ANKRD12: variants seen among roughly 807,000 people sequenced by gnomAD.
ANKRD12 encodes ankyrin repeat domain-containing protein 12.
A neutral mutation model predicts 183.4 loss-of-function variants in ANKRD12; 85 were observed. The ratio of observed to expected loss-of-function variants is 0.46; its 90% confidence interval spans 0.39 to 0.56. The LOEUF is 0.56. Among genes scored for constraint, ANKRD12 ranks in the 20% least tolerant of loss-of-function variants. The pLI is 0.00. For synonymous variants in ANKRD12, 914 were observed against 800.2 expected, an observed-to-expected ratio of 1.14 and a Z score of -2.40; for missense variants, 2,405 against 2,357.1, an observed-to-expected ratio of 1.02 and a Z score of -0.42.
intron 8 of ANKRD12, among the ~76,000 whole-genome samples, chr18:9,224,879 A>G (rs191838755): frequency 1.4e-4 from 22 of 152,326 alleles, no homozygotes; most frequent in Non-Finnish European, 1.8e-4. Context: ...AGTATCTTCT[A>G]TATACGGTAT....
At chr18:9,266,641 G>A (rs1293199077) in intron 10 of ANKRD12, among the ~76,000 whole-genome samples, 18 of 152,152 alleles carry the variant, frequency 1.2e-4, no homozygotes, top group East Asian at 7.7e-4. Flanking sequence ...AGGAACAACC[G>A]GTACCAGCCA....
chr18:9,243,447 G>C (rs879360940), intron 8 of ANKRD12, among the ~76,000 whole-genome samples: 2 of 152,208 alleles, frequency 1.3e-5, no homozygotes, highest in African/African-American at 2.4e-5. Flanking sequence ...GGAAAATCAA[G>C]TGAATGACAG....
Position 9,281,334 on chromosome 18 carries a change from A to G in ANKRD12, c.*208A>G, listed in dbSNP as rs905989368. The G allele has an allele frequency of 4.3e-5, 18 of 421,824 alleles. No individual in the cohort carries two copies. Among genetic ancestry groups the G allele is most frequent in the East Asian group, 2.1e-4 (5 of 23,650 alleles). The allele number at this position is 421,824 out of a possible 1,614,324, so 26.1% of individuals were successfully genotyped here. ...CAAACACAGTTTCTAATAGAAAACT[A>G]TTATTTATATTGGGAAAGGTAACTA... On this transcript the variant is annotated 3_prime_UTR_variant, in exon 13 of 13. Transcript: ENST00000262126.
At chr18:9,178,340 TCTC>T (rs2033443937) in intron 1 of ANKRD12, among the ~76,000 whole-genome samples, 3 of 108,042 alleles carry the variant, frequency 2.8e-5, no homozygotes, top group Non-Finnish European at 6.2e-5. Flanking sequence ...TCTCTCTCTC[TCTC>T]GTTTTTTGCA....
intron 1 of ANKRD12, chr18:9,137,225 C>A (rs2078135588): frequency 6.7e-6 from 1 of 149,168 alleles, no homozygotes; most frequent in Non-Finnish European, 1.5e-5. Context: ...GGGGCCCCGC[C>A]CGCCGCCGCC....
At chr18:9,243,943 C>T (rs572839890) in intron 8 of ANKRD12, among the ~76,000 whole-genome samples, 73 of 152,300 alleles carry the variant, frequency 4.8e-4, no homozygotes, top group African/African-American at 1.6e-3. Flanking sequence ...CAAGACCAGC[C>T]TGACAAACAT....
chr18:9,210,812 T>A (rs1417644116), intron 5 of ANKRD12, among the ~76,000 whole-genome samples: 1 of 151,188 alleles, frequency 6.6e-6, no homozygotes, highest in Non-Finnish European at 1.5e-5. Context: ...TCTAATCGTG[T>A]CAGGTTTTAA....
At chr18:9,170,363 ATTTGGTC>A (rs970120805) in intron 1 of ANKRD12, among the ~76,000 whole-genome samples, 1 of 152,166 alleles carries the variant, frequency 6.6e-6, no homozygotes, top group African/African-American at 2.4e-5. Flanking sequence ...TCAGATGTAG[ATTTGGTC>A]TTTTCACAAA....
chr18:9,212,267 A>C (rs1284603717), intron 6 of ANKRD12, among the ~76,000 whole-genome samples: 2 of 152,026 alleles, frequency 1.3e-5, no homozygotes, highest in Non-Finnish European at 2.9e-5. Context: ...TTAATTTCAC[A>C]TACTGCACAA....
chr18:9,282,165 G>A lies in ANKRD12; in HGVS notation c.*1039G>A, dbSNP rs946145407. The A allele has an allele frequency of 5.9e-5, 9 of 152,456 alleles. No homozygotes were observed. Among genetic ancestry groups the A allele is most frequent in the African/African-American group, 1.2e-4 (5 of 41,402 alleles). The allele number at this position is 152,456 out of a possible 1,614,324, so 9.4% of individuals were successfully genotyped here. A position where few individuals can be genotyped will look rare whatever the true frequency, so the allele number is the denominator to read the frequency against. The stretch of plus-strand genomic sequence containing the variant: ...AGAATCTGTGAATATATGTAAATAC[G>A]TTTAATAAATTTTATTGGTCATGTT... On this transcript the variant is annotated 3_prime_UTR_variant, in exon 13 of 13. Coordinates refer to ENST00000262126, the MANE Select transcript of ANKRD12 (RefSeq NM_015208.5).
At chr18:9,141,414 A>G (rs572633258) in intron 1 of ANKRD12, among the ~76,000 whole-genome samples, 1 of 152,362 alleles carries the variant, frequency 6.6e-6, no homozygotes, top group Non-Finnish European at 1.5e-5. Flanking sequence ...TAGGATTTTC[A>G]TAAGGGAATA....
intron 10 of ANKRD12, among the ~76,000 whole-genome samples, chr18:9,265,454 C>G (rs2039234086): frequency 6.6e-6 from 1 of 152,318 alleles, no homozygotes; most frequent in Middle Eastern, 3.4e-3. Flanking sequence ...CAGGCAGCAA[C>G]ATTTGCTGTT....
intron 3 of ANKRD12, among the ~76,000 whole-genome samples, chr18:9,199,905 G>C (rs2035067896): frequency 6.6e-6 from 1 of 152,054 alleles, no homozygotes. Flanking sequence ...TTATTTCTTG[G>C]ATGTGGGGTA....
chr18:9,157,468 A>G (rs1383343931), intron 1 of ANKRD12, among the ~76,000 whole-genome samples: 1 of 151,780 alleles, frequency 6.6e-6, no homozygotes, highest in African/African-American at 2.4e-5. Flanking sequence ...ATAAAGTCCA[A>G]ATATTGTAAG....
chr18:9,157,585 G>GTGTGTGTGTGTATATATATATA (rs1472659778), intron 1 of ANKRD12, among the ~76,000 whole-genome samples: 24 of 92,670 alleles, frequency 2.6e-4, no homozygotes, highest in African/African-American at 1.3e-3. Flanking sequence ...GTGTGTGTGT[G>GTGTGTGTGTGTATATATATATA]TATATATATA....
At chr18:9,184,157 T>C (rs906731943) in intron 2 of ANKRD12, among the ~76,000 whole-genome samples, 1 of 152,234 alleles carries the variant, frequency 6.6e-6, no homozygotes, top group Non-Finnish European at 1.5e-5. Flanking sequence ...AACAAAAGAA[T>C]GTTATAATTG....
intron 8 of ANKRD12, among the ~76,000 whole-genome samples, chr18:9,234,882 G>T (rs573505306): frequency 6.6e-6 from 1 of 152,194 alleles, no homozygotes; most frequent in Non-Finnish European, 1.5e-5. Context: ...ATGGGGTTGT[G>T]GACTACTAAA....
intron 8 of ANKRD12, among the ~76,000 whole-genome samples, chr18:9,228,486 T>C (rs996477795): frequency 2.6e-5 from 4 of 152,196 alleles, no homozygotes; most frequent in African/African-American, 4.8e-5. Flanking sequence ...GTAACTGTTA[T>C]TTTTTGTCTT....
Position 9,258,716 on chromosome 18 carries a change from G to C in ANKRD12, c.5449G>C (p.Val1817Leu). The C allele has an allele frequency of 1.2e-6, 2 of 1,613,868 alleles. No individual in the cohort carries two copies. The highest frequency in any genetic ancestry group is 1.7e-6 in the Non-Finnish European group (2 of 1,179,900). ...AACTCAGCAATCTCTGGCAGCCATT[G>C]TAGATTCTCTAAAACTAGATGAGAT... Reference protein sequence around the residue: ...EKTQQSLAAIVDSLKLDEIQP... With the variant: ...EKTQQSLAAILDSLKLDEIQP... The change falls in exon 9 of 13, where the codon GTA (valine) becomes CTA (leucine). Residue 1817 changes from valine (V) to leucine (L), a missense_variant. Physicochemically the swap from Val to Leu is conservative, Grantham distance 32. Around this residue, in one of 7 missense-constraint regions of ANKRD12, gnomAD observed 1,983 missense variants for 1,725.9 expected, o/e 1.15. Coordinates refer to ENST00000262126, the MANE Select transcript of ANKRD12 (RefSeq NM_015208.5).
Sources: allele counts gnomAD v4.1 joint callset (sites outside exome capture counted in the v4.1 genomes callset), GRCh38; gene constraint gnomAD v4.1.1; regional missense constraint gnomAD v4.1.1; transcripts MANE v1.5; gene names NCBI Gene and HGNC (gene_info 2026-07-23, HGNC 2026-07-21).